Variants in CEP152 observed in about 807,000 individuals in gnomAD.
The protein encoded by CEP152 is centrosomal protein of 152 kDa.
A neutral mutation model predicts 188.9 loss-of-function variants in CEP152; 132 were observed. The ratio of observed to expected loss-of-function variants is 0.70; its 90% CI spans 0.61 to 0.81. The LOEUF (loss-of-function observed/expected upper bound fraction) is 0.81. CEP152 is among the 30% of genes least tolerant of loss of function. The pLI is 0.00. For synonymous variants in CEP152, 649 were observed against 666.6 expected (o/e 0.97, Z 0.41); for missense variants, 1,914 against 1,969.8 (o/e 0.97, Z 0.54).
intron 24 of CEP152, among the ~76,000 whole-genome samples, chr15:48,743,460 G>T (rs556929669): frequency 1.1e-3 from 171 of 152,288 alleles, no homozygotes; most frequent in Middle Eastern, 0.01. Context: ...AGGATATGCT[G>T]GCACAACCTG....
intron 17 of CEP152, among the ~76,000 whole-genome samples, chr15:48,766,787 CTT>C (rs78892042): frequency 1.9e-4 from 26 of 137,616 alleles, no homozygotes; most frequent in East Asian, 2.1e-4. Flanking sequence ...GACACTGATC[CTT>C]TTTTTTTTTT....
chr15:48,748,387 T>C, intron 22 of CEP152, 56 bp downstream of exon 22: 4 of 1,470,154 alleles, frequency 2.7e-6, no homozygotes, highest in Non-Finnish European at 3.6e-6. Context: ...CATTTGAACA[T>C]TTCAACAAGG....
rs116150006 is a variant in CEP152, at chr15:48,760,336, G to C, written c.2563-70C>G. ...TTAAAAAAGATCCCATTTTTAAACA[G>C]CAATTATGATTTCAGTATTTTATAC... On this transcript the variant is annotated intron_variant, in intron 18 of 26. Transcript: ENST00000380950. 9 of 1,562,074 alleles carry C rather than the reference G, an allele frequency of 5.8e-6. No individual in the cohort carries two copies. The African/African-American group carries it at 1.2e-4, about 21-fold the overall frequency.
intron 14 of CEP152, 151 bp from the exon 15 acceptor site, chr15:48,768,479 GTC>G (rs1301622319): frequency 3.3e-6 from 2 of 598,860 alleles, no homozygotes; most frequent in Non-Finnish European, 5.9e-6. Context: ...AAAAGAAAAA[GTC>G]TCTTCACGCT....
At chr15:48,809,644 T>A (rs1310125552) in intron 1 of CEP152, among the ~76,000 whole-genome samples, 1 of 152,220 alleles carries the variant, frequency 6.6e-6, no homozygotes, top group East Asian at 1.9e-4. Flanking sequence ...GCAAACTGTT[T>A]CTGCTTCTAC....
At position 48,753,515 on chromosome 15, in the gene CEP152, A is replaced by G. The variant is rs146256810; in HGVS notation, c.3346-1046T>C. ...TTGACTGTCAGAAAACCTACTTACA[A>G]TGTCCAACAGAAGCAGAGGTTAGCA... On this transcript the variant is annotated intron_variant, in intron 20 of 26. Transcript: ENST00000380950. Among the ~76,000 whole-genome samples, 184 of 152,310 alleles carry G rather than the reference A, an allele frequency of 1.2e-3. 2 individuals are homozygous for G. The highest frequency in any genetic ancestry group is 4.3e-3 in the African/African-American group (178 of 41,576).
chr15:48,762,322 G>C (rs554685794), intron 18 of CEP152, 69 bp downstream of exon 18: 20 of 1,355,038 alleles, frequency 1.5e-5, no homozygotes, highest in Non-Finnish European at 1.2e-5. Context: ...TTCAATGATA[G>C]CATTGTATGG....
intron 9 of CEP152, among the ~76,000 whole-genome samples, chr15:48,788,143 C>T (rs1288123056): frequency 6.6e-6 from 1 of 152,162 alleles, no homozygotes; most frequent in Admixed American, 6.5e-5. Context: ...TAGCCAGCCG[C>T]TGGCAGACTC....
At chr15:48,780,223 C>A (rs1186852243) in intron 12 of CEP152, among the ~76,000 whole-genome samples, 1 of 152,106 alleles carries the variant, frequency 6.6e-6, no homozygotes, top group Non-Finnish European at 1.5e-5. Context: ...TTCTGGATAG[C>A]AGTGCTGTGA....
Position 48,796,124 on chromosome 15 carries a change from CT to C in CEP152, c.576del (p.Val193Ter), listed in dbSNP as rs1897274437. The C allele has an allele frequency of 1.9e-6, 3 of 1,613,826 alleles. No individual in the cohort carries two copies. The highest frequency in any genetic ancestry group is 2.5e-6 in the Non-Finnish European group (3 of 1,179,806). ...PSCQGLEPYN[K>X]VTYKPYQSSA... is the part of the protein sequence containing the mutation. Reference sequence around the variant, plus strand: ...GAAGACTGATAAGGTTTATATGTCACTTTATTATACGGTTCCAAACCTTGAC... The same window carrying C: ...GAAGACTGATAAGGTTTATATGTCACTTATTATACGGTTCCAAACCTTGAC... On this transcript the variant is annotated frameshift_variant, in exon 6 of 27. Coordinates refer to ENST00000380950, the MANE Select transcript of CEP152 (RefSeq NM_001194998.2). LOFTEE classifies it high-confidence loss of function.
chr15:48,747,902 C>T (rs1893570024), intron 22 of CEP152, among the ~76,000 whole-genome samples: 1 of 152,070 alleles, frequency 6.6e-6, no homozygotes. Context: ...ACCCTCACGC[C>T]CTTGTTTATG....
intron 7 of CEP152, 106 bp downstream of exon 7, chr15:48,793,215 C>T: frequency 7.4e-7 from 1 of 1,359,560 alleles, no homozygotes; most frequent in Non-Finnish European, 1.0e-6. Flanking sequence ...TATGAGCCCT[C>T]TGACCAAGTG....
intron 2 of CEP152, 132 bp downstream of exon 2, chr15:48,805,431 T>C: frequency 8.0e-7 from 1 of 1,247,768 alleles, no homozygotes. Context: ...AAGCAGATTT[T>C]AGGGTTGTTT....
At chr15:48,758,137 T>A (rs1894411661) in intron 19 of CEP152, among the ~76,000 whole-genome samples, 1 of 152,212 alleles carries the variant, frequency 6.6e-6, no homozygotes, top group South Asian at 2.1e-4. Context: ...TTTTTAAAGA[T>A]CCTCAAGTTA....
intron 2 of CEP152, among the ~76,000 whole-genome samples, chr15:48,802,890 G>A (rs1432258062): frequency 6.6e-6 from 1 of 152,202 alleles, no homozygotes; most frequent in Non-Finnish European, 1.5e-5. Flanking sequence ...GGCCCATGTG[G>A]ACAAAATCCC....
chr15:48,740,353 T>C (rs1892861175), intron 26 of CEP152, among the ~76,000 whole-genome samples: 1 of 152,120 alleles, frequency 6.6e-6, no homozygotes, highest in Non-Finnish European at 1.5e-5. Flanking sequence ...ATTTTAGATG[T>C]TCTTCTTGTA....
At position 48,741,059 on chromosome 15, in the gene CEP152, T is replaced by TC. The variant is rs1892935491; in HGVS notation, c.4093+541dup. The TC allele has an allele frequency of 6.1e-6, 6 of 990,492 alleles. No homozygotes were observed. In the South Asian group the frequency reaches 1.8e-4, roughly 30 times the overall value. 61.4% of individuals were successfully genotyped at this position (990,492 alleles called of 1,614,324 possible). A position where few individuals can be genotyped will look rare whatever the true frequency, so the allele number is the denominator to read the frequency against. ...CTCCCGGTGGTTTTGAACTGAGGTT[T>TC]CCATCTTCCATCCTATACTGTCTTC... On this transcript the variant is annotated intron_variant, in intron 26 of 26. Transcript: ENST00000380950.
At chr15:48,782,391 T>C (rs1019922684) in intron 10 of CEP152, among the ~76,000 whole-genome samples, 161 bp from the exon 11 acceptor site, 5 of 152,212 alleles carry the variant, frequency 3.3e-5, no homozygotes, top group African/African-American at 9.6e-5. Flanking sequence ...CCAGAAGGCA[T>C]AGGTCTGGGC....
chr15:48,793,742 C>G (rs886308665), intron 6 of CEP152, among the ~76,000 whole-genome samples: 1 of 152,282 alleles, frequency 6.6e-6, no homozygotes, highest in African/African-American at 2.4e-5. Context: ...ATAGTTCTTA[C>G]AGTGGGTCAC....
Sources: allele counts gnomAD v4.1 joint callset (sites outside exome capture counted in the v4.1 genomes callset), GRCh38; gene constraint gnomAD v4.1.1; transcripts MANE v1.5; gene names NCBI Gene and HGNC (gene_info 2026-07-23, HGNC 2026-07-21).